The following VPS26A variants were observed in gnomAD, a reference collection of about 807,000 sequenced individuals.
The protein encoded by VPS26A is vacuolar protein sorting-associated protein 26A.
In VPS26A, 22 loss-of-function variants were observed where a neutral mutation model predicts 42.4. That is an observed-to-expected ratio of 0.52 (90% CI 0.37 to 0.74). VPS26A has a LOEUF of 0.74. Among genes scored for constraint, VPS26A ranks in the 30% least tolerant of loss-of-function variants. VPS26A has a pLI of 0.00. For missense variants in VPS26A, 276 were observed against 379.2 expected, an observed-to-expected ratio of 0.73 and a Z score of 2.26; for synonymous variants, 110 against 123.5, an observed-to-expected ratio of 0.89 and a Z score of 0.73.
intron 5 of VPS26A, among the ~76,000 whole-genome samples, chr10:69,160,282 C>A (rs2132230407): frequency 6.6e-6 from 1 of 151,994 alleles, no homozygotes; most frequent in East Asian, 1.9e-4. Flanking sequence ...GCCTCAGCCT[C>A]CTGAGTAGCT....
intron 2 of VPS26A, among the ~76,000 whole-genome samples, chr10:69,145,505 A>G (rs2132208904): frequency 6.6e-6 from 1 of 152,252 alleles, no homozygotes; most frequent in Non-Finnish European, 1.5e-5. Flanking sequence ...GCACTGTCAT[A>G]CCACCTTTGT....
chr10:69,139,707 A>T (rs1840997574), intron 2 of VPS26A, among the ~76,000 whole-genome samples: 2 of 152,150 alleles, frequency 1.3e-5, no homozygotes, highest in African/African-American at 4.8e-5. Context: ...AGCCATTATT[A>T]ATTAGTATTT....
chr10:69,128,007 A>T lies in VPS26A; in HGVS notation c.3+3727A>T, dbSNP rs552185664. The stretch of plus-strand genomic sequence containing the variant: ...GCCACTGTGTTCTGCTACTTTTTTT[A>T]AAATTATGAAATATTTCTTGCATCC... On this transcript the variant is annotated intron_variant, in intron 1 of 8. Transcript: ENST00000263559. Among the ~76,000 whole-genome samples the T allele has an allele frequency of 4.1e-4, 62 of 152,020 alleles. No homozygotes were observed. In the East Asian group the frequency reaches 4.5e-3, roughly 11 times the overall value.
At chr10:69,167,126 C>CAAAAA (rs35323924) in intron 7 of VPS26A, among the ~76,000 whole-genome samples, 6 of 126,282 alleles carry the variant, frequency 4.8e-5, no homozygotes, top group Non-Finnish European at 4.9e-5. Flanking sequence ...AACTCCGTCT[C>CAAAAA]AAAAAAAAAA....
At chr10:69,154,138 AC>A (rs1450616352) in intron 2 of VPS26A, among the ~76,000 whole-genome samples, 1 of 152,222 alleles carries the variant, frequency 6.6e-6, no homozygotes, top group Non-Finnish European at 1.5e-5. Flanking sequence ...CTCAGGTAAT[AC>A]TTAGAGAAGA....
At chr10:69,167,173 TA>T (rs1212986747) in intron 7 of VPS26A, among the ~76,000 whole-genome samples, 3 of 150,968 alleles carry the variant, frequency 2.0e-5, no homozygotes, top group Non-Finnish European at 4.4e-5. Context: ...CTCACGCCTG[TA>T]ATCCCACCAT....
chr10:69,155,963 A>G (rs898779451), intron 3 of VPS26A, 76 bp downstream of exon 3: 23 of 1,106,106 alleles, frequency 2.1e-5, no homozygotes, highest in Non-Finnish European at 2.8e-5. Context: ...CACCAAAATA[A>G]TTGAATTAGA....
chr10:69,131,296 G>T (rs1840772606), intron 1 of VPS26A, among the ~76,000 whole-genome samples: 1 of 152,116 alleles, frequency 6.6e-6, no homozygotes. Context: ...GTTTTTTAAA[G>T]ATCATTCAGA....
At chr10:69,162,958 A>C (rs1021210272) in intron 6 of VPS26A, among the ~76,000 whole-genome samples, 1 of 150,964 alleles carries the variant, frequency 6.6e-6, no homozygotes, top group Non-Finnish European at 1.5e-5. Flanking sequence ...ACAAAAACCA[A>C]AACTTTCCAA....
rs16926134 is a variant in VPS26A at position 69,171,597 on chromosome 10, T to C, written c.*328T>C. On this transcript the variant is annotated 3_prime_UTR_variant, in exon 9 of 9. Coordinates refer to ENST00000263559, the MANE Select transcript of VPS26A (RefSeq NM_004896.5). The stretch of plus-strand genomic sequence containing the variant: ...TTTCATGTGAGTAGGCTGGTATTTG[T>C]AATTTTGCTTTCTTTCTGCATAATG... 1,664 of 177,388 alleles carry C rather than the reference T, an allele frequency of 9.4e-3. 37 individuals are homozygous for C. Among genetic ancestry groups the C allele is most frequent in the Admixed American group, 0.057 (898 of 15,780 alleles). The allele number at this position is 177,388 out of a possible 1,614,324, so 11.0% of individuals were successfully genotyped here. A position where few individuals can be genotyped will look rare whatever the true frequency, so the allele number is the denominator to read the frequency against.
chr10:69,132,672 A>AG (rs1840811141), intron 1 of VPS26A, among the ~76,000 whole-genome samples: 1 of 151,782 alleles, frequency 6.6e-6, no homozygotes, highest in African/African-American at 2.4e-5. Flanking sequence ...TGAACTCCTG[A>AG]CCTCAGGTGA....
intron 2 of VPS26A, among the ~76,000 whole-genome samples, chr10:69,136,034 A>AT (rs1051045908): frequency 1.6e-4 from 24 of 152,164 alleles, no homozygotes; most frequent in Admixed American, 6.5e-5. Flanking sequence ...TTCCCTCTTC[A>AT]TACCTTTCTT....
At chr10:69,136,852 C>G (rs1255212536) in intron 2 of VPS26A, among the ~76,000 whole-genome samples, 1 of 151,856 alleles carries the variant, frequency 6.6e-6, no homozygotes, top group Non-Finnish European at 1.5e-5. Flanking sequence ...AGTGCGATGG[C>G]GTGATCTCGG....
At position 69,174,291 on chromosome 10, in the gene VPS26A, T is replaced by G. The variant is rs1841886084; in HGVS notation, c.*3022T>G. 6.6e-6 allele frequency among the ~76,000 whole-genome samples: 1 copy of G among 152,282 alleles called. No individual in the cohort carries two copies. The highest frequency in any genetic ancestry group is 1.9e-4 in the East Asian group (1 of 5,182). On this transcript the variant is annotated 3_prime_UTR_variant, in exon 9 of 9. Transcript: ENST00000263559. ...CACCTTGAGTACACGAATTTGAAAT[T>G]ACACTGAGGTGATCATGCCACTGCA...
chr10:69,158,145 A>C lies in VPS26A; in HGVS notation c.485A>C (p.Asn162Thr). 1 of 1,612,784 alleles carries C rather than the reference A, an allele frequency of 6.2e-7. No homozygotes were observed. Among genetic ancestry groups the C allele is most frequent in the Non-Finnish European group, 8.5e-7 (1 of 1,179,398 alleles). The change falls in exon 5 of 9, where the codon AAC (asparagine) becomes ACC (threonine). Residue 162 changes from asparagine to threonine, a missense_variant. Asn to Thr is a moderately conservative substitution (Grantham distance 65, BLOSUM62 0). Coordinates refer to ENST00000263559, the MANE Select transcript of VPS26A (RefSeq NM_004896.5). ...CTTGCCACCTATCCTGATGTTAACA[A>C]CTCTATTAAGATGGAAGTGGGCATT... ...HQLATYPDVNNSIKMEVGIED... is the reference protein window; with the variant it reads ...HQLATYPDVNTSIKMEVGIED...
intron 2 of VPS26A, among the ~76,000 whole-genome samples, chr10:69,139,723 A>G (rs1298071483): frequency 6.6e-6 from 1 of 152,094 alleles, no homozygotes; most frequent in Non-Finnish European, 1.5e-5. Flanking sequence ...TATTTATTCC[A>G]TTCCTTTGCT....
chr10:69,129,809 T>C lies in VPS26A; in HGVS notation c.4-3089T>C, dbSNP rs546405667. On this transcript the variant is annotated intron_variant, in intron 1 of 8. Coordinates refer to ENST00000263559, the MANE Select transcript of VPS26A (RefSeq NM_004896.5). ...AAGTGCTGGGATTACAGGTGTGAGC[T>C]ACCGCGCCTGGCCCAAAAAGAAAAT... Among the ~76,000 whole-genome samples, 5 of 152,296 alleles carry C rather than the reference T, an allele frequency of 3.3e-5. No individual in the cohort carries two copies. The South Asian group carries it at 6.2e-4, about 19-fold the overall frequency.
chr10:69,171,235 A>G lies in VPS26A; in HGVS notation c.950A>G (p.Glu317Gly), dbSNP rs1465812106. 2 of 1,613,942 alleles carry G rather than the reference A, an allele frequency of 1.2e-6. No homozygotes were observed. The highest frequency in any genetic ancestry group is 4.5e-5 in the East Asian group (2 of 44,870). The part of the protein sequence containing the change: ...TNFHQRFESP[E>G]SQASAEQPEM ...TTTCACCAGCGATTTGAATCTCCAGAATCACAGGCATCTGCCGAACAGCCT... is the reference window on the plus strand; with the variant it reads ...TTTCACCAGCGATTTGAATCTCCAGGATCACAGGCATCTGCCGAACAGCCT... Residue 317 changes from glutamate (E) to glycine (G), a missense_variant, in exon 9 of 9, where the codon GAA becomes GGA. Coordinates refer to ENST00000263559, the MANE Select transcript of VPS26A (RefSeq NM_004896.5).
chr10:69,134,713 T>G (rs1344780423), intron 2 of VPS26A, among the ~76,000 whole-genome samples: 1 of 152,114 alleles, frequency 6.6e-6, no homozygotes, highest in Non-Finnish European at 1.5e-5. Flanking sequence ...TTTGCCAGAT[T>G]ACCTACTGGG....
Sources: allele counts gnomAD v4.1 joint callset (sites outside exome capture counted in the v4.1 genomes callset), GRCh38; gene constraint gnomAD v4.1.1; transcripts MANE v1.5; gene names NCBI Gene and HGNC (gene_info 2026-07-23, HGNC 2026-07-21).